The following CDK14 variants were observed in gnomAD, a reference collection of about 807,000 sequenced individuals.
CDK14 encodes cyclin-dependent kinase 14.
Under a neutral mutation model 60.7 loss-of-function variants are expected in CDK14, and 34 were observed. The observed-to-expected ratio is 0.56, with a 90% confidence interval of 0.43 to 0.75. CDK14 has a LOEUF of 0.75. Among genes scored for constraint, CDK14 ranks in the 30% least tolerant of loss-of-function variants. The pLI, the probability that CDK14 is intolerant of heterozygous loss-of-function variation, is 0.00. For missense variants in CDK14, 482 were observed against 564.1 expected (o/e 0.85, Z 1.47); for synonymous variants, 197 against 203.7 (o/e 0.97, Z 0.28).
chr7:90,933,674 A>G (rs1279108769), intron 8 of CDK14, among the ~76,000 whole-genome samples: 1 of 152,250 alleles, frequency 6.6e-6, no homozygotes, highest in Non-Finnish European at 1.5e-5. Flanking sequence ...AGACCTAAAG[A>G]ATTATTTTCA....
Position 90,627,544 on chromosome 7 carries a change from A to G in CDK14, c.123+23295A>G, listed in dbSNP as rs150320916. ...GATCTTTACTGTAACTTTTCTTCTT[A>G]CTATAAAAAGCATTGCGTTATACTG... On this transcript the variant is annotated intron_variant, in intron 2 of 14. Transcript: ENST00000380050. Among the ~76,000 whole-genome samples, 8 of 152,254 alleles carry G rather than the reference A, an allele frequency of 5.3e-5. No individual in the cohort carries two copies. In the East Asian group the frequency reaches 1.5e-3, roughly 29 times the overall value.
intron 10 of CDK14, among the ~76,000 whole-genome samples, chr7:91,009,439 A>G (rs542981393): frequency 2.6e-5 from 4 of 152,136 alleles, no homozygotes; most frequent in Non-Finnish European, 5.9e-5. Context: ...ACTCTTTTAA[A>G]AACTGCCAGT....
rs117488932 is a variant in CDK14 at position 90,939,732 on chromosome 7, T to C, written c.827-15965T>C. Reference sequence around the variant, plus strand: ...TTCCCTTCAAGGAAGATTTTAGTTTTTAACTTCTAAATTGTTTGATGATTC... The same window carrying C: ...TTCCCTTCAAGGAAGATTTTAGTTTCTAACTTCTAAATTGTTTGATGATTC... On this transcript the variant is annotated intron_variant, in intron 8 of 14. Coordinates refer to ENST00000380050, the MANE Select transcript of CDK14 (RefSeq NM_001287135.2). Among the ~76,000 whole-genome samples, 345 of 152,354 alleles carry C rather than the reference T, an allele frequency of 2.3e-3. 9 individuals are homozygous for C. In the East Asian group the frequency reaches 0.053, roughly 23 times the overall value.
At chr7:91,175,275 A>G (rs1439016853) in intron 14 of CDK14, among the ~76,000 whole-genome samples, 1 of 152,166 alleles carries the variant, frequency 6.6e-6, no homozygotes, top group Non-Finnish European at 1.5e-5. Context: ...TTTTGTCACC[A>G]CCAGGCCTGC....
chr7:90,620,433 A>G (rs1205886752), intron 2 of CDK14, among the ~76,000 whole-genome samples: 1 of 152,032 alleles, frequency 6.6e-6, no homozygotes, highest in Non-Finnish European at 1.5e-5. Context: ...CTCCACCTGA[A>G]CAACCTCAGA....
At chr7:91,003,803 A>G (rs753996188) in intron 10 of CDK14, among the ~76,000 whole-genome samples, 1 of 152,230 alleles carries the variant, frequency 6.6e-6, no homozygotes, top group Non-Finnish European at 1.5e-5. Context: ...TATAAAATTC[A>G]AGAAAATTGA....
At chr7:90,792,551 A>G (rs1231529257) in intron 5 of CDK14, among the ~76,000 whole-genome samples, 1 of 152,182 alleles carries the variant, frequency 6.6e-6, no homozygotes, top group African/African-American at 2.4e-5. Flanking sequence ...TATTAGTAAT[A>G]GCAGCATCCA....
Position 91,005,712 on chromosome 7 carries a change from G to A in CDK14, c.1041+21471G>A, listed in dbSNP as rs1389830035. On this transcript the variant is annotated intron_variant, in intron 10 of 14. Transcript: ENST00000380050. Reference sequence around the variant, plus strand: ...TGAGTTTTCTACACTTGGATAAAATGGCACATTTTGGCAGAATTTTAAGGT... The same window carrying A: ...TGAGTTTTCTACACTTGGATAAAATAGCACATTTTGGCAGAATTTTAAGGT... Among the ~76,000 whole-genome samples the A allele has an allele frequency of 5.9e-5, 9 of 152,258 alleles. No individual in the cohort carries two copies. The East Asian group carries it at 1.7e-3, about 29-fold the overall frequency.
intron 11 of CDK14, among the ~76,000 whole-genome samples, chr7:91,076,347 A>G (rs531267561): frequency 5.3e-5 from 8 of 151,264 alleles, no homozygotes; most frequent in Non-Finnish European, 1.2e-4. Flanking sequence ...ACAATGCCAC[A>G]CATCTATAAC....
chr7:90,967,412 T>C (rs1794784990), intron 9 of CDK14, among the ~76,000 whole-genome samples: 1 of 152,196 alleles, frequency 6.6e-6, no homozygotes, highest in South Asian at 2.1e-4. Flanking sequence ...ACTAAGGGTC[T>C]TTGTCATGTA....
intron 4 of CDK14, among the ~76,000 whole-genome samples, chr7:90,757,787 G>A (rs2116848449): frequency 6.6e-6 from 1 of 152,026 alleles, no homozygotes; most frequent in South Asian, 2.1e-4. Context: ...TTTTTTTGTA[G>A]AGACGGGGTT....
At chr7:90,929,329 G>A (rs923781278) in intron 8 of CDK14, among the ~76,000 whole-genome samples, 27 of 152,160 alleles carry the variant, frequency 1.8e-4, no homozygotes, top group African/African-American at 6.5e-4. Context: ...GTTCCTATTC[G>A]GCCATCTTGG....
intron 9 of CDK14, among the ~76,000 whole-genome samples, chr7:90,983,665 G>A (rs1306664622): frequency 2.1e-5 from 3 of 145,684 alleles, no homozygotes; most frequent in Admixed American, 7.0e-5. Context: ...GGGGGACAGA[G>A]CAAGACTCCA....
intron 10 of CDK14, among the ~76,000 whole-genome samples, chr7:91,003,270 A>T (rs1450474503): frequency 6.6e-6 from 1 of 152,106 alleles, no homozygotes. Flanking sequence ...TGTAAAATAG[A>T]TATTGATCCA....
chr7:90,978,488 T>C (rs1427354409), intron 9 of CDK14, among the ~76,000 whole-genome samples: 1 of 152,118 alleles, frequency 6.6e-6, no homozygotes, highest in Non-Finnish European at 1.5e-5. Context: ...TTAAATTTAA[T>C]AGGTAAAATT....
At chr7:90,904,757 A>G (rs959903595) in intron 7 of CDK14, among the ~76,000 whole-genome samples, 2 of 152,180 alleles carry the variant, frequency 1.3e-5, no homozygotes, top group African/African-American at 4.8e-5. Context: ...TAAACTGAAA[A>G]TAATGTTCAT....
chr7:91,127,779 AAAACT>A (rs1006719184), intron 14 of CDK14, among the ~76,000 whole-genome samples: 19 of 152,322 alleles, frequency 1.2e-4, no homozygotes, highest in African/African-American at 4.1e-4. Flanking sequence ...ATTTACAAAC[AAAACT>A]AAACTAAAAA....
chr7:91,186,866 A>C (rs1048880879), intron 14 of CDK14, among the ~76,000 whole-genome samples: 1 of 152,210 alleles, frequency 6.6e-6, no homozygotes, highest in Non-Finnish European at 1.5e-5. Flanking sequence ...TCTGCATGTT[A>C]GTCAGTTATA....
intron 2 of CDK14, among the ~76,000 whole-genome samples, chr7:90,722,358 C>CTAATTTTTATATTTGTTTTGTAG (rs1802488718): frequency 1.3e-5 from 2 of 152,034 alleles, no homozygotes; most frequent in Non-Finnish European, 2.9e-5. Flanking sequence ...TGTGCACCAC[C>CTAATTTTTATATTTGTTTTGTAG]ACACCCGCCT....
Sources: gnomAD v4.1 joint callset for allele counts (sites outside exome capture counted in the v4.1 genomes callset) on GRCh38, gnomAD v4.1.1 for gene constraint, MANE v1.5 for transcripts, NCBI Gene and HGNC (gene_info 2026-07-23, HGNC 2026-07-21) for gene names.